The following SLC13A3 variants were observed in gnomAD, a reference collection of about 807,000 sequenced individuals.
SLC13A3 encodes solute carrier family 13 member 3.
Under a neutral mutation model 59.0 loss-of-function variants are expected in SLC13A3, and 40 were observed. That is an observed-to-expected ratio of 0.68 (90% confidence interval 0.53 to 0.88). SLC13A3 has a LOEUF of 0.88. SLC13A3 is among the 40% of genes least tolerant of loss of function. The pLI, the probability that SLC13A3 is intolerant of heterozygous loss-of-function variation, is 0.00. For synonymous variants in SLC13A3, 317 were observed against 330.3 expected (o/e 0.96, Z 0.44); for missense variants, 699 against 783.2 (o/e 0.89, Z 1.28).
intron 10 of SLC13A3, among the ~76,000 whole-genome samples, chr20:46,567,702 C>T (rs1330082615): frequency 1.3e-5 from 2 of 152,110 alleles, no homozygotes; most frequent in African/African-American, 4.8e-5. Flanking sequence ...CAGAAGCTAC[C>T]CTATTTACCA....
intron 5 of SLC13A3, among the ~76,000 whole-genome samples, chr20:46,592,879 G>T (rs2062274434): frequency 6.6e-6 from 1 of 152,192 alleles, no homozygotes; most frequent in South Asian, 2.1e-4. Flanking sequence ...GCTTCCCCAT[G>T]GTTGCCATGC....
chr20:46,559,893 G>C lies in SLC13A3; in HGVS notation c.*129C>G. ...TCATGGACTTGAGTGGGCCACTGGA[G>C]GTCACCCTTGCTTGCTGCATATTGG... is the stretch of plus-strand genomic sequence containing the variant. On this transcript the variant is annotated 3_prime_UTR_variant, in exon 13 of 13. Transcript: ENST00000279027. 1.1e-6 allele frequency: 1 copy of C among 893,492 alleles called. No individual in the cohort carries two copies. Among genetic ancestry groups the C allele is most frequent in the South Asian group, 1.8e-5 (1 of 55,814 alleles). 55.3% of individuals were successfully genotyped at this position (893,492 alleles called of 1,614,324 possible).
At chr20:46,650,274 G>C (rs187036931) in intron 1 of SLC13A3, among the ~76,000 whole-genome samples, 3 of 152,248 alleles carry the variant, frequency 2.0e-5, no homozygotes, top group Admixed American at 6.5e-5. Flanking sequence ...CTAGGGTTCT[G>C]GATTCTGACA....
intron 9 of SLC13A3, among the ~76,000 whole-genome samples, chr20:46,579,647 C>T (rs1446170708): frequency 1.3e-5 from 2 of 152,224 alleles, no homozygotes; most frequent in Non-Finnish European, 2.9e-5. Flanking sequence ...AGTTCAAAGA[C>T]CCCTGGGCTA....
chr20:46,677,451 C>A (rs1213076217), intron 1 of SLC13A3, among the ~76,000 whole-genome samples: 3 of 152,130 alleles, frequency 2.0e-5, no homozygotes, highest in Non-Finnish European at 4.4e-5. Flanking sequence ...CTGGCAGGAT[C>A]TTTTGCTGGA....
At chr20:46,618,524 G>A (rs1271449996) in intron 1 of SLC13A3, among the ~76,000 whole-genome samples, 1 of 152,188 alleles carries the variant, frequency 6.6e-6, no homozygotes, top group African/African-American at 2.4e-5. Context: ...TTTGGGAGGT[G>A]ATTAGGTCGT....
At chr20:46,562,969 G>A (rs1222092928) in intron 12 of SLC13A3, among the ~76,000 whole-genome samples, 1 of 152,204 alleles carries the variant, frequency 6.6e-6, no homozygotes, top group Non-Finnish European at 1.5e-5. Flanking sequence ...GGTTCAGCAG[G>A]GACCTTCCGG....
intron 3 of SLC13A3, chr20:46,608,990 A>T (rs2062464077): frequency 6.4e-7 from 1 of 1,550,714 alleles, no homozygotes; most frequent in African/African-American, 1.4e-5. Context: ...TTATCTGACC[A>T]AGTCTTATCA....
rs555962732 is a variant in SLC13A3, at chr20:46,676,941, CAG to C, written c.-31+7453_-31+7454del. Among the ~76,000 whole-genome samples the C allele has an allele frequency of 1.0e-3, 155 of 151,646 alleles. 1 individual carries two copies. The highest frequency in any genetic ancestry group is 9.6e-3 in the Admixed American group (146 of 15,256). ...ATCAGCTTCTTTTCTTTTTTTGAGA[CAG>C]AGTCTCACCCTGTCCAGGCTGGAGT... On this transcript the variant is annotated intron_variant, in intron 1 of 6. Coordinates refer to the SLC13A3 transcript ENST00000372121.
upstream of SLC13A3, among the ~76,000 whole-genome samples, chr20:46,673,123 T>C (rs575642066): frequency 3.3e-5 from 5 of 152,194 alleles, no homozygotes; most frequent in East Asian, 9.7e-4. Context: ...ATGTAGATAA[T>C]AAAAACAACT....
At chr20:46,593,190 A>G (rs2062277729) in intron 5 of SLC13A3, among the ~76,000 whole-genome samples, 1 of 152,232 alleles carries the variant, frequency 6.6e-6, no homozygotes, top group Admixed American at 6.5e-5. Context: ...AGATGTGGAA[A>G]AACAGGCAGA....
In SLC13A3 at chr20:46,578,413, C is replaced by T. The variant is rs148557934; in HGVS notation, c.1220-2728G>A. Reference sequence around the variant, plus strand: ...TATACTGGCCGGGCATGGTGGTTCACGCCTGTAATTCCAGCACTTTGGGAG... The same window carrying T: ...TATACTGGCCGGGCATGGTGGTTCATGCCTGTAATTCCAGCACTTTGGGAG... On this transcript the variant is annotated intron_variant, in intron 9 of 12. Coordinates refer to ENST00000279027, the MANE Select transcript of SLC13A3 (RefSeq NM_022829.6). Among the ~76,000 whole-genome samples, 999 of 151,892 alleles carry T rather than the reference C, an allele frequency of 6.6e-3. 5 individuals are homozygous for T. Among genetic ancestry groups the T allele is most frequent in the African/African-American group, 0.023 (945 of 41,454 alleles).
intron 1 of SLC13A3, among the ~76,000 whole-genome samples, chr20:46,616,345 G>A (rs971966340): frequency 3.3e-5 from 5 of 152,292 alleles, no homozygotes; most frequent in East Asian, 1.9e-4. Flanking sequence ...AAGAGCTGTC[G>A]ATGGGCTTCT....
intron 1 of SLC13A3, among the ~76,000 whole-genome samples, chr20:46,667,833 G>A (rs2063069786): frequency 6.6e-6 from 1 of 152,212 alleles, no homozygotes; most frequent in Non-Finnish European, 1.5e-5. Flanking sequence ...CCAACAGCAT[G>A]TGCTCACTTC....
chr20:46,595,125 A>C (rs2062297900), intron 5 of SLC13A3, among the ~76,000 whole-genome samples: 2 of 152,218 alleles, frequency 1.3e-5, no homozygotes, highest in Admixed American at 1.3e-4. Flanking sequence ...TTACATTTGC[A>C]TTTATGTAAA....
chr20:46,563,565 AG>A lies in SLC13A3; in HGVS notation c.1495-15del. 6.2e-7 allele frequency: 1 copy of A among 1,611,404 alleles called. No individual in the cohort carries two copies. The highest frequency in any genetic ancestry group is 8.5e-7 in the Non-Finnish European group (1 of 1,178,738). ...CAGGCGGATGGCCTGGGCCAGGAAA[AG>A]GTGGGAGAGACCCGGAGAGAGACCA... On this transcript the variant is annotated splice_polypyrimidine_tract_variant and intron_variant, in intron 11 of 12. Transcript: ENST00000279027.
chr20:46,678,896 C>T (rs1568968793), intron 1 of SLC13A3, among the ~76,000 whole-genome samples: 1 of 152,054 alleles, frequency 6.6e-6, no homozygotes, highest in Non-Finnish European at 1.5e-5. Context: ...CTGAGTGAGC[C>T]CTGGCTCTGT....
chr20:46,643,916 T>G (rs897633368), intron 1 of SLC13A3, among the ~76,000 whole-genome samples: 1 of 152,108 alleles, frequency 6.6e-6, no homozygotes, highest in Non-Finnish European at 1.5e-5. Flanking sequence ...CGTGTGCTTG[T>G]AGTCCCAGCC....
chr20:46,623,271 A>G (rs1428454229), intron 1 of SLC13A3, among the ~76,000 whole-genome samples: 3 of 152,214 alleles, frequency 2.0e-5, no homozygotes, highest in East Asian at 3.8e-4. Flanking sequence ...TCACATCTCT[A>G]TGCAGAAGAA....
Sources: allele counts gnomAD v4.1 joint callset (sites outside exome capture counted in the v4.1 genomes callset), GRCh38; gene constraint gnomAD v4.1.1; transcripts MANE v1.5; gene names NCBI Gene and HGNC (gene_info 2026-07-23, HGNC 2026-07-21).